The following ACOXL variants were observed in gnomAD, a reference collection of about 807,000 sequenced individuals.
ACOXL encodes the protein acyl-coenzyme A oxidase-like protein.
ACOXL carries 70 observed loss-of-function variants against 71.9 expected under a neutral mutation model. The observed-to-expected ratio is 0.97, with a 90% CI of 0.80 to 1.19. The LOEUF is 1.19. ACOXL is among the 50% of genes most tolerant of loss of function. The pLI is 0.00. For missense variants in ACOXL, 703 were observed against 736.3 expected (o/e 0.95, Z 0.52); for synonymous variants, 253 against 281.6 (o/e 0.90, Z 1.02).
chr2:111,084,299 AC>A (rs1483219287), intron 16 of ACOXL, among the ~76,000 whole-genome samples: 1 of 146,992 alleles, frequency 6.8e-6, no homozygotes, highest in Non-Finnish European at 1.5e-5. Context: ...ACACACACAC[AC>A]ACACACACAA....
At chr2:111,069,145 CTTTT>C (rs1234410019) in intron 16 of ACOXL, among the ~76,000 whole-genome samples, 1 of 135,328 alleles carries the variant, frequency 7.4e-6, no homozygotes, top group Admixed American at 7.5e-5. Context: ...TCTTCTTTTT[CTTTT>C]TTTTTTTTTT....
chr2:110,912,561 G>T (rs1358392464), intron 11 of ACOXL, among the ~76,000 whole-genome samples: 1 of 152,044 alleles, frequency 6.6e-6, no homozygotes, highest in East Asian at 1.9e-4. Flanking sequence ...ACTGGATATT[G>T]ATATGCAAAA....
chr2:110,821,548 C>G (rs1274721552), intron 9 of ACOXL, among the ~76,000 whole-genome samples: 1 of 152,168 alleles, frequency 6.6e-6, no homozygotes, highest in Non-Finnish European at 1.5e-5. Context: ...GGTGCCCTGT[C>G]CATCTCTTCA....
At chr2:110,783,865 A>C (rs1683630513) in intron 2 of ACOXL, among the ~76,000 whole-genome samples, 1 of 152,174 alleles carries the variant, frequency 6.6e-6, no homozygotes, top group Admixed American at 6.5e-5. Context: ...CCTTCTAAGA[A>C]AATGCTGGCT....
chr2:110,945,505 G>A (rs1378251826), intron 12 of ACOXL, among the ~76,000 whole-genome samples: 4 of 151,966 alleles, frequency 2.6e-5, no homozygotes, highest in African/African-American at 9.7e-5. Context: ...AATCCATCTT[G>A]AGTTGATTTT....
intron 1 of ACOXL, among the ~76,000 whole-genome samples, chr2:110,757,985 A>G (rs1229096859): frequency 1.3e-5 from 2 of 151,994 alleles, no homozygotes; most frequent in Non-Finnish European, 2.9e-5. Context: ...GTCCTGAATG[A>G]TATTCCCTAG....
intron 16 of ACOXL, among the ~76,000 whole-genome samples, chr2:111,050,549 G>A (rs2066241209): frequency 6.6e-6 from 1 of 152,126 alleles, no homozygotes; most frequent in Non-Finnish European, 1.5e-5. Context: ...TCTTTTCTCT[G>A]CTCACCGGCC....
intron 1 of ACOXL, among the ~76,000 whole-genome samples, chr2:110,755,476 A>G (rs976273639): frequency 2.0e-5 from 3 of 152,252 alleles, no homozygotes; most frequent in Admixed American, 6.5e-5. Context: ...GACAGAAAAT[A>G]CACAACTATG....
chr2:111,097,834 GA>G (rs2150038444), intron 17 of ACOXL, among the ~76,000 whole-genome samples: 1 of 152,326 alleles, frequency 6.6e-6, no homozygotes, highest in African/African-American at 2.4e-5. Flanking sequence ...ATAAATGGGG[GA>G]AAGACACATC....
intron 7 of ACOXL, 68 bp downstream of exon 7, chr2:110,799,168 A>C: frequency 1.4e-6 from 2 of 1,476,418 alleles, no homozygotes. Flanking sequence ...CTCAAGGAGA[A>C]TCTAACCTAC....
At chr2:111,027,468 T>C (rs1231025638) in intron 14 of ACOXL, among the ~76,000 whole-genome samples, 1 of 151,744 alleles carries the variant, frequency 6.6e-6, no homozygotes, top group Non-Finnish European at 1.5e-5. Flanking sequence ...ACTACAGGTG[T>C]GTGCCACCAC....
In ACOXL at chr2:110,898,092, T is replaced by C. The variant is rs184354603; in HGVS notation, c.789-10697T>C. On this transcript the variant is annotated intron_variant, in intron 10 of 17. Transcript: ENST00000439055. The stretch of plus-strand genomic sequence containing the variant: ...CTTTTAACTGCTAAGGAAATTGAAC[T>C]CATGATTTTAAAACTCCTAAGAAAA... 3.4e-4 allele frequency among the ~76,000 whole-genome samples: 52 copies of C among 152,308 alleles called. No individual in the cohort carries two copies. The East Asian group carries it at 9.2e-3, about 27-fold the overall frequency.
intron 9 of ACOXL, among the ~76,000 whole-genome samples, chr2:110,815,188 A>C (rs1170856036): frequency 6.6e-6 from 1 of 152,166 alleles, no homozygotes; most frequent in Non-Finnish European, 1.5e-5. Flanking sequence ...ATCTTGTGAG[A>C]ACTCACTCAC....
intron 15 of ACOXL, among the ~76,000 whole-genome samples, chr2:111,045,780 T>C (rs1168413968): frequency 2.0e-5 from 3 of 152,176 alleles, no homozygotes; most frequent in Non-Finnish European, 4.4e-5. Flanking sequence ...CATGCTGCTT[T>C]TGTTGGGCCT....
At chr2:110,735,914 A>G (rs1676775543) in intron 1 of ACOXL, among the ~76,000 whole-genome samples, 1 of 152,152 alleles carries the variant, frequency 6.6e-6, no homozygotes, top group Non-Finnish European at 1.5e-5. Context: ...AGGTAGGTAC[A>G]GCACACACCT....
At chr2:110,985,268 G>A (rs1015783404) in intron 12 of ACOXL, among the ~76,000 whole-genome samples, 9 of 152,136 alleles carry the variant, frequency 5.9e-5, no homozygotes, top group Admixed American at 1.3e-4. Flanking sequence ...TTGTGTAGCA[G>A]CAGCCATAAA....
intron 16 of ACOXL, among the ~76,000 whole-genome samples, chr2:111,092,325 T>C (rs905841640): frequency 2.6e-5 from 4 of 152,208 alleles, no homozygotes; most frequent in Non-Finnish European, 5.9e-5. Context: ...TGTTGCTTGG[T>C]GCCCATGATG....
chr2:110,877,251 G>A (rs1696043388), intron 10 of ACOXL, among the ~76,000 whole-genome samples: 2 of 152,222 alleles, frequency 1.3e-5, no homozygotes, highest in Admixed American at 6.5e-5. Flanking sequence ...GGGAGCTTCT[G>A]CCACCCTCCG....
At chr2:111,006,719 T>C (rs1339704243) in intron 14 of ACOXL, among the ~76,000 whole-genome samples, 1 of 152,010 alleles carries the variant, frequency 6.6e-6, no homozygotes, top group African/African-American at 2.4e-5. Flanking sequence ...CCACCACGTC[T>C]GGCTAATTTT....
Sources: gnomAD v4.1 joint callset for allele counts (sites outside exome capture counted in the v4.1 genomes callset) on GRCh38, gnomAD v4.1.1 for gene constraint, MANE v1.5 for transcripts, NCBI Gene and HGNC (gene_info 2026-07-23, HGNC 2026-07-21) for gene names.